GPHN: variants seen among roughly 807,000 people sequenced by gnomAD.
GPHN encodes gephyrin.
A neutral mutation model predicts 95.5 loss-of-function variants in GPHN; 17 were observed. The ratio of observed to expected loss-of-function variants is 0.18; its 90% confidence interval spans 0.12 to 0.27. The LOEUF (loss-of-function observed/expected upper bound fraction) is 0.27. GPHN is among the 10% of genes least tolerant of loss of function. The pLI is 1.00. For missense variants in GPHN, 660 were observed against 978.1 expected, an observed-to-expected ratio of 0.67 and a Z score of 4.34; for synonymous variants, 320 against 322.5, an observed-to-expected ratio of 0.99 and a Z score of 0.08.
At chr14:67,509,290 T>C in the GPHN span, among the ~76,000 whole-genome samples, 4 of 151,640 alleles carry the variant, frequency 2.6e-5, no homozygotes, top group African/African-American at 9.7e-5. Context: ...CTGTCTCCTT[T>C]TAACTAGTTG....
At chr14:67,175,135 G>A (rs2082857133) in intron 21 of GPHN, among the ~76,000 whole-genome samples, 1 of 152,142 alleles carries the variant, frequency 6.6e-6, no homozygotes, top group Admixed American at 6.5e-5. Flanking sequence ...TGGTGTTTTA[G>A]TCATGAAGTC....
intron 10 of GPHN, among the ~76,000 whole-genome samples, chr14:67,054,202 T>G (rs2075442589): frequency 2.0e-5 from 3 of 152,162 alleles, no homozygotes; most frequent in African/African-American, 7.2e-5. Context: ...CTCCTATATC[T>G]GAAAACCCCA....
chr14:66,591,245 CA>C (rs1288707753), intron 1 of GPHN, among the ~76,000 whole-genome samples: 4 of 152,130 alleles, frequency 2.6e-5, no homozygotes, highest in African/African-American at 9.7e-5. Context: ...AAAACTGGCA[CA>C]AGGCAAGGAT....
At chr14:67,614,174 C>G in the GPHN span, among the ~76,000 whole-genome samples, 29 of 152,226 alleles carry the variant, frequency 1.9e-4, no homozygotes, top group African/African-American at 6.7e-4. Flanking sequence ...TGGGCTCAAG[C>G]AATCTTCCTG....
the GPHN span, among the ~76,000 whole-genome samples, chr14:67,298,181 A>C: frequency 6.6e-6 from 1 of 152,210 alleles, no homozygotes; most frequent in South Asian, 2.1e-4. Flanking sequence ...TCAGAACTAG[A>C]ATGGTCATAT....
At chr14:67,274,502 G>C in the GPHN span, among the ~76,000 whole-genome samples, 3 of 151,990 alleles carry the variant, frequency 2.0e-5, no homozygotes, top group African/African-American at 4.8e-5. Flanking sequence ...GGTACCAGTA[G>C]CATGCTGTTT....
chr14:67,129,853 G>A (rs547711318), intron 17 of GPHN, among the ~76,000 whole-genome samples: 14 of 151,004 alleles, frequency 9.3e-5, no homozygotes, highest in African/African-American at 3.4e-4. Flanking sequence ...AGGAAGGAAG[G>A]AAGGCGGAGG....
intron 18 of GPHN, among the ~76,000 whole-genome samples, chr14:67,153,482 C>T (rs1370159441): frequency 6.6e-6 from 1 of 152,142 alleles, no homozygotes; most frequent in East Asian, 1.9e-4. Context: ...TATAATGGCA[C>T]TAATTCTACT....
the GPHN span, among the ~76,000 whole-genome samples, chr14:67,635,858 ATT>A: frequency 6.6e-6 from 1 of 152,118 alleles, no homozygotes; most frequent in South Asian, 2.1e-4. Flanking sequence ...TCTAAAAAAA[ATT>A]TTTTTTAAAT....
At chr14:67,610,809 A>T in the GPHN span, among the ~76,000 whole-genome samples, 1 of 151,540 alleles carries the variant, frequency 6.6e-6, no homozygotes, top group Admixed American at 6.6e-5. Flanking sequence ...CCCTTAAAAA[A>T]CCCTAGCCTC....
chr14:67,542,191 G>A, the GPHN span, among the ~76,000 whole-genome samples: 1 of 152,148 alleles, frequency 6.6e-6, no homozygotes, highest in African/African-American at 2.4e-5. Context: ...GTCTTTGCTC[G>A]CTCATTAAGG....
At chr14:67,105,203 G>A (rs1358718547) in intron 13 of GPHN, among the ~76,000 whole-genome samples, 1 of 151,840 alleles carries the variant, frequency 6.6e-6, no homozygotes, top group African/African-American at 2.4e-5. Flanking sequence ...AAAAAAATTC[G>A]ATATAATTTT....
chr14:67,293,218 T>G, the GPHN span, among the ~76,000 whole-genome samples: 1 of 152,160 alleles, frequency 6.6e-6, no homozygotes, highest in African/African-American at 2.4e-5. Context: ...GTTAACATGA[T>G]GACTTAAATT....
the GPHN span, among the ~76,000 whole-genome samples, chr14:67,220,831 G>A: frequency 9.2e-5 from 14 of 152,240 alleles, no homozygotes; most frequent in Admixed American, 4.6e-4. Context: ...AGAAAATTAC[G>A]ATTTTAACAT....
At chr14:67,582,353 C>T in the GPHN span, 58 of 1,406,040 alleles carry the variant, frequency 4.1e-5, 2 homozygotes, top group South Asian at 6.9e-4. This position sits in a 1 kb window ranked among gnomAD's most constrained non-coding sequence, Gnocchi z 5.0. Context: ...TGGAAAGCAG[C>T]TGACTTCTAC....
the GPHN span, among the ~76,000 whole-genome samples, chr14:67,732,536 CAA>C: frequency 6.1e-5 from 8 of 130,100 alleles, no homozygotes; most frequent in Admixed American, 7.8e-5. Context: ...CCAAACAAAG[CAA>C]AAAAAAAAAA....
chr14:67,199,474 A>G, the GPHN span: 154 of 1,612,810 alleles, frequency 9.5e-5, no homozygotes, highest in Non-Finnish European at 1.3e-4. Context: ...ACCCTGACAC[A>G]GGCAACTCCA....
chr14:66,785,909 G>A (rs1281219331), intron 3 of GPHN, among the ~76,000 whole-genome samples: 2 of 152,038 alleles, frequency 1.3e-5, no homozygotes, highest in African/African-American at 4.8e-5. Flanking sequence ...AAGCAGGGCT[G>A]AGAGGAAAAA....
At chr14:67,584,343 T>C in the GPHN span, among the ~76,000 whole-genome samples, 2 of 152,076 alleles carry the variant, frequency 1.3e-5, no homozygotes, top group African/African-American at 4.8e-5. Flanking sequence ...AAAGAAAAGA[T>C]GTGATCAACT....
Sources: gnomAD v4.1 joint callset for allele counts (sites outside exome capture counted in the v4.1 genomes callset) on GRCh38, gnomAD v4.1.1 for gene constraint, Gnocchi (gnomAD v3.1) non-coding constraint, MANE v1.5 for transcripts, NCBI Gene and HGNC (gene_info 2026-07-23, HGNC 2026-07-21) for gene names.